CSMD1: variants seen among roughly 807,000 people sequenced by gnomAD.
CSMD1 encodes CUB and Sushi multiple domains 1.
CSMD1 carries 213 observed loss-of-function variants against 417.5 expected under a neutral mutation model. That is an observed-to-expected ratio of 0.51 (90% CI 0.46 to 0.57). The LOEUF (loss-of-function observed/expected upper bound fraction) is 0.57. CSMD1 is among the 20% of genes least tolerant of loss of function. CSMD1 has a pLI of 0.00. For synonymous variants in CSMD1, 2,862 were observed against 1,736.8 expected (o/e 1.65, Z -16.11); for missense variants, 6,923 against 4,529.7 (o/e 1.53, Z -15.17).
At chr8:4,418,972 C>T (rs1233400284) in intron 3 of CSMD1, among the ~76,000 whole-genome samples, 1 of 152,154 alleles carries the variant, frequency 6.6e-6, no homozygotes, top group Non-Finnish European at 1.5e-5. Context: ...GCAAAGAGAA[C>T]CTTCTACACT....
At chr8:4,271,159 T>C (rs774866156) in intron 3 of CSMD1, among the ~76,000 whole-genome samples, 12 of 152,194 alleles carry the variant, frequency 7.9e-5, no homozygotes, top group Non-Finnish European at 1.6e-4. Flanking sequence ...ACTACAGATA[T>C]CATTTGCATT....
intron 3 of CSMD1, among the ~76,000 whole-genome samples, chr8:4,297,251 A>G (rs1217067858): frequency 1.3e-5 from 2 of 152,166 alleles, no homozygotes; most frequent in African/African-American, 2.4e-5. Flanking sequence ...TTAAATATAG[A>G]GCTTGAAATT....
intron 11 of CSMD1, among the ~76,000 whole-genome samples, chr8:3,487,257 A>G (rs1330166919): frequency 1.3e-5 from 2 of 152,086 alleles, no homozygotes; most frequent in Non-Finnish European, 2.9e-5. Context: ...GCTGGAGTGC[A>G]GTGGCGCGAT....
intron 3 of CSMD1, among the ~76,000 whole-genome samples, chr8:4,111,958 A>G (rs1801879683): frequency 6.6e-6 from 1 of 151,682 alleles, no homozygotes; most frequent in Non-Finnish European, 1.5e-5. Context: ...CAGTCTCTGT[A>G]ATTTTACATA....
At chr8:4,621,594 T>C (rs1462308437) in intron 2 of CSMD1, among the ~76,000 whole-genome samples, 2 of 152,128 alleles carry the variant, frequency 1.3e-5, no homozygotes, top group Non-Finnish European at 2.9e-5. Flanking sequence ...GAGCAGATTT[T>C]TCTGTCTTAA....
intron 5 of CSMD1, among the ~76,000 whole-genome samples, chr8:3,936,608 G>C (rs1469665560): frequency 6.6e-6 from 1 of 152,024 alleles, no homozygotes; most frequent in Admixed American, 6.6e-5. Context: ...ATATTTTAAG[G>C]CCACTGTTGA....
intron 3 of CSMD1, among the ~76,000 whole-genome samples, chr8:4,149,268 A>G (rs1461493059): frequency 6.6e-6 from 1 of 152,072 alleles, no homozygotes; most frequent in African/African-American, 2.4e-5. Flanking sequence ...CCAGCCCGTA[A>G]TTTTCATATT....
At chr8:3,049,512 A>G (rs904425492) in intron 50 of CSMD1, among the ~76,000 whole-genome samples, 6 of 152,130 alleles carry the variant, frequency 3.9e-5, no homozygotes, top group African/African-American at 1.2e-4. Context: ...TTCCCAATAT[A>G]TGACATTCTA....
intron 3 of CSMD1, among the ~76,000 whole-genome samples, chr8:4,109,166 T>C (rs918726575): frequency 1.3e-5 from 2 of 152,212 alleles, no homozygotes; most frequent in African/African-American, 2.4e-5. Context: ...AATAGTGTTA[T>C]GCTGTATTAT....
chr8:4,265,714 A>C lies in CSMD1; in HGVS notation c.415+154239T>G, dbSNP rs1405355584. 1.9e-5 allele frequency among the ~76,000 whole-genome samples: 2 copies of C among 104,862 alleles called. 1 individual carries two copies. The highest frequency in any genetic ancestry group is 7.5e-4 in the South Asian group (2 of 2,660). 68.8% of individuals were successfully genotyped at this position (104,862 alleles called of 152,430 possible). ...TATTATTTGACATGTTACGATTAGG[A>C]AACAGTTAATGCAACATAAAATGTT... On this transcript the variant is annotated intron_variant, in intron 3 of 69. Transcript: ENST00000635120.
intron 2 of CSMD1, among the ~76,000 whole-genome samples, chr8:4,594,359 C>G (rs1419489429): frequency 1.3e-5 from 2 of 151,830 alleles, no homozygotes; most frequent in Non-Finnish European, 2.9e-5. Flanking sequence ...GCCAGCATGC[C>G]TGGCTAATTT....
At chr8:3,011,362 C>G (rs1808369248) in intron 52 of CSMD1, among the ~76,000 whole-genome samples, 1 of 152,004 alleles carries the variant, frequency 6.6e-6, no homozygotes. Context: ...AATCTTTCTG[C>G]TCTGCTGTGA....
intron 31 of CSMD1, among the ~76,000 whole-genome samples, chr8:3,202,040 C>T (rs1329902368): frequency 2.0e-5 from 3 of 152,064 alleles, no homozygotes; most frequent in East Asian, 1.9e-4. Flanking sequence ...TGGTGGCTCA[C>T]GCCTGTAATC....
At chr8:3,703,771 T>G (rs973147411) in intron 7 of CSMD1, among the ~76,000 whole-genome samples, 1 of 152,130 alleles carries the variant, frequency 6.6e-6, no homozygotes, top group Non-Finnish European at 1.5e-5. Flanking sequence ...ATTACATACC[T>G]GTATAAACTT....
intron 1 of CSMD1, among the ~76,000 whole-genome samples, chr8:4,859,961 A>G (rs1221938377): frequency 4.6e-5 from 7 of 152,180 alleles, no homozygotes; most frequent in East Asian, 1.9e-4. Flanking sequence ...ACATGCACAC[A>G]TATGTTTATT....
intron 26 of CSMD1, among the ~76,000 whole-genome samples, chr8:3,259,648 A>G (rs549576033): frequency 5.6e-4 from 86 of 152,298 alleles, no homozygotes; most frequent in African/African-American, 1.9e-3. Flanking sequence ...TATGTATACA[A>G]GTGAAATACT....
intron 3 of CSMD1, among the ~76,000 whole-genome samples, chr8:4,140,738 C>G (rs1018431322): frequency 2.0e-5 from 3 of 150,966 alleles, no homozygotes; most frequent in South Asian, 2.1e-4. Context: ...GTCTTCCCCA[C>G]TCTAAGTATC....
At chr8:4,733,470 A>C (rs1225891784) in intron 1 of CSMD1, among the ~76,000 whole-genome samples, 1 of 152,182 alleles carries the variant, frequency 6.6e-6, no homozygotes, top group Non-Finnish European at 1.5e-5. Context: ...TGTCTACTAA[A>C]ATCTATTACA....
intron 2 of CSMD1, among the ~76,000 whole-genome samples, chr8:4,480,501 G>C (rs1196340446): frequency 6.6e-6 from 1 of 152,212 alleles, no homozygotes; most frequent in South Asian, 2.1e-4. Context: ...TAGACAACCA[G>C]ATACTTGGTG....
Sources: allele counts gnomAD v4.1 joint callset (sites outside exome capture counted in the v4.1 genomes callset), GRCh38; gene constraint gnomAD v4.1.1; transcripts MANE v1.5; gene names NCBI Gene and HGNC (gene_info 2026-07-23, HGNC 2026-07-21).